Variants in RAPGEF1 observed in about 807,000 individuals in gnomAD.
The protein encoded by RAPGEF1 is CRK SH3-binding GNRP.
In RAPGEF1, 33 loss-of-function variants were observed where a neutral mutation model predicts 143.3. That is an observed-to-expected ratio of 0.23 (90% CI 0.17 to 0.31). The LOEUF (loss-of-function observed/expected upper bound fraction) is 0.31, where lower values mean the gene tolerates loss of function less well. Ranked by LOEUF, RAPGEF1 falls within the 10% of genes least tolerant of loss-of-function variation. RAPGEF1 has a pLI of 1.00. For synonymous variants in RAPGEF1, 629 were observed against 676.5 expected, an observed-to-expected ratio of 0.93 and a Z score of 1.09; for missense variants, 1,199 against 1,645.4, an observed-to-expected ratio of 0.73 and a Z score of 4.69.
chr9:131,615,133 C>T (rs540892122), intron 12 of RAPGEF1, among the ~76,000 whole-genome samples: 48 of 152,282 alleles, frequency 3.2e-4, no homozygotes, highest in Admixed American at 3.3e-4. Context: ...AGCGCAGTGG[C>T]GCGATCTCCA....
At chr9:131,657,684 A>G (rs548328346) in intron 1 of RAPGEF1, among the ~76,000 whole-genome samples, 1 of 152,200 alleles carries the variant, frequency 6.6e-6, no homozygotes, top group Non-Finnish European at 1.5e-5. Context: ...TTAACTGTGT[A>G]AACAGCCCCT....
At position 131,739,805 on chromosome 9, in the gene RAPGEF1, C is replaced by T; in HGVS notation, c.26G>A (p.Arg9His). Residue 9 changes from arginine to histidine, a missense_variant, in exon 1 of 27, where the codon CGC (arginine) becomes CAC (histidine). Transcript: ENST00000683357. ...GATCTTGCCGGACATTTCCGGGCTG[C>T]GCCGGAGGCCGAGGCCGCCGCTCAT... MSGGLGLRRSPEMSGKIEK... is the reference protein window; with the variant it reads MSGGLGLRHSPEMSGKIEK... 3 of 1,153,842 alleles carry T rather than the reference C, an allele frequency of 2.6e-6. No individual in the cohort carries two copies. Among genetic ancestry groups the T allele is most frequent in the Admixed American group, 3.4e-5 (1 of 29,724 alleles). 71.5% of individuals were successfully genotyped at this position (1,153,842 alleles called of 1,614,324 possible).
At chr9:131,596,240 G>T (rs540905431) in intron 17 of RAPGEF1, 58 bp downstream of exon 17, 2 of 1,531,836 alleles carry the variant, frequency 1.3e-6, no homozygotes, top group African/African-American at 1.4e-5. Flanking sequence ...GCGGTGGGAG[G>T]CCGAGTGGCA....
chr9:131,601,835 A>G (rs1956320272), intron 15 of RAPGEF1, among the ~76,000 whole-genome samples: 1 of 152,186 alleles, frequency 6.6e-6, no homozygotes, highest in Non-Finnish European at 1.5e-5. Context: ...TGAGCCCGGG[A>G]GTTCAAGGTT....
At chr9:131,642,840 T>C (rs143509357) in intron 4 of RAPGEF1, among the ~76,000 whole-genome samples, 2 of 152,238 alleles carry the variant, frequency 1.3e-5, no homozygotes, top group African/African-American at 4.8e-5. Context: ...TCTGGGCCTC[T>C]GGCGATGAGT....
intron 1 of RAPGEF1, among the ~76,000 whole-genome samples, chr9:131,711,621 G>A (rs1835515428): frequency 6.6e-6 from 1 of 152,342 alleles, no homozygotes; most frequent in African/African-American, 2.4e-5. Flanking sequence ...GCCTCCCAAA[G>A]TGCTGGGATT....
rs187542751 is a variant in RAPGEF1 at position 131,705,104 on chromosome 9, C to A, written c.61+34666G>T. 8.7e-4 allele frequency among the ~76,000 whole-genome samples: 133 copies of A among 152,304 alleles called. 1 individual carries two copies. Among genetic ancestry groups the A allele is most frequent in the Admixed American group, 5.4e-3 (83 of 15,306 alleles). On this transcript the variant is annotated intron_variant, in intron 1 of 26. Coordinates refer to ENST00000683357, the MANE Select transcript of RAPGEF1 (RefSeq NM_001377935.1). ...ATGAACATTTCCAGGTCCCAAATAA[C>A]CACCTGCCACCTTCCAAGTCCCAAA...
chr9:131,738,071 T>A (rs1368433357), intron 1 of RAPGEF1, among the ~76,000 whole-genome samples: 1 of 152,170 alleles, frequency 6.6e-6, no homozygotes, highest in Non-Finnish European at 1.5e-5. Flanking sequence ...TGCCTTGGCC[T>A]TCCAAAATGC....
intron 1 of RAPGEF1, among the ~76,000 whole-genome samples, chr9:131,685,511 G>A (rs1247306827): frequency 6.6e-6 from 1 of 152,316 alleles, no homozygotes; most frequent in East Asian, 1.9e-4. Flanking sequence ...TAACATGAGC[G>A]ATCTGTGCCA....
rs375027870 is a variant in RAPGEF1 at position 131,605,079 on chromosome 9, G to A, written c.2171C>T (p.Ala724Val). The A allele has an allele frequency of 1.5e-6, 2 of 1,365,520 alleles. No individual in the cohort carries two copies. The highest frequency in any genetic ancestry group is 2.0e-6 in the Non-Finnish European group (2 of 1,021,512). The allele number at this position is 1,365,520 out of a possible 1,614,324, so 84.6% of individuals were successfully genotyped here. Residue 724 changes from alanine (A) to valine (V), a missense_variant, in exon 13 of 27, where the codon GCC (alanine) becomes GTC (valine). This residue lies in a region of RAPGEF1 where 293 missense variants were observed against 356.2 expected (regional missense o/e 0.82). Transcript: ENST00000683357. ...TAAGTCAGAGCTCTGAGACTGGTGGGCAGGTGGGAAATGTGGAGAGGAAGA... is the reference window on the plus strand; with the variant it reads ...TAAGTCAGAGCTCTGAGACTGGTGGACAGGTGGGAAATGTGGAGAGGAAGA... ...TSSSSPHFPP[A>V]HQSQSSDLAV... is the part of the protein sequence containing the mutation.
chr9:131,630,352 C>A (rs1415909352), intron 5 of RAPGEF1, 28 bp from the exon 6 acceptor site: 1 of 1,609,044 alleles, frequency 6.2e-7, no homozygotes, highest in South Asian at 1.1e-5. Flanking sequence ...AGGCAATGAG[C>A]AAAGCTCCCG....
At chr9:131,649,872 C>G (rs1970651530) in intron 3 of RAPGEF1, among the ~76,000 whole-genome samples, 1 of 152,202 alleles carries the variant, frequency 6.6e-6, no homozygotes, top group South Asian at 2.1e-4. Flanking sequence ...TGGACCCAAG[C>G]AGCACACCCA....
intron 1 of RAPGEF1, among the ~76,000 whole-genome samples, chr9:131,736,555 T>A (rs1837427569): frequency 6.6e-6 from 1 of 152,054 alleles, no homozygotes; most frequent in African/African-American, 2.4e-5. Flanking sequence ...AGAAAGAAAA[T>A]GTCCCAAAGA....
chr9:131,638,488 T>C (rs892969292), intron 5 of RAPGEF1, 147 bp downstream of exon 5: 8 of 865,752 alleles, frequency 9.2e-6, no homozygotes, highest in Non-Finnish European at 1.4e-5. Flanking sequence ...GAGAAGTAAG[T>C]AGTTATGGGA....
intron 3 of RAPGEF1, among the ~76,000 whole-genome samples, chr9:131,647,339 C>T (rs1031073776): frequency 6.6e-6 from 1 of 152,134 alleles, no homozygotes; most frequent in Non-Finnish European, 1.5e-5. Flanking sequence ...AAAGCTTCCC[C>T]ACACAATTAT....
intron 1 of RAPGEF1, among the ~76,000 whole-genome samples, chr9:131,656,780 T>A (rs1033223973): frequency 6.6e-6 from 1 of 152,228 alleles, no homozygotes; most frequent in Admixed American, 6.5e-5. Flanking sequence ...CTAAGGGCAC[T>A]TCTGCCTATG....
intron 1 of RAPGEF1, chr9:131,709,927 C>T (rs993173343): frequency 5.1e-6 from 5 of 985,302 alleles, no homozygotes; most frequent in East Asian, 2.3e-4. Flanking sequence ...ATCGCCCTAC[C>T]GGTGCCTCTC....
chr9:131,732,044 C>G (rs4991742), intron 1 of RAPGEF1, among the ~76,000 whole-genome samples: 2,429 of 152,238 alleles, frequency 0.016, 59 homozygotes, highest in African/African-American at 0.055. Flanking sequence ...AACCTCCCCC[C>G]CTGTACCTTA....
At chr9:131,670,170 C>G (rs1422305571) in intron 1 of RAPGEF1, among the ~76,000 whole-genome samples, 1 of 152,172 alleles carries the variant, frequency 6.6e-6, no homozygotes. Flanking sequence ...ACACGGTCTC[C>G]TAATTTAGTA....
Sources: allele counts gnomAD v4.1 joint callset (sites outside exome capture counted in the v4.1 genomes callset), GRCh38; gene constraint gnomAD v4.1.1; regional missense constraint gnomAD v4.1.1; transcripts MANE v1.5; gene names NCBI Gene and HGNC (gene_info 2026-07-23, HGNC 2026-07-21).